Variants in GRIK1 observed in about 807,000 individuals in gnomAD.
The protein encoded by GRIK1 is glutamate receptor ionotropic, kainate 1.
In GRIK1, 69 loss-of-function variants were observed where a neutral mutation model predicts 105.7. That is an observed-to-expected ratio of 0.65 (90% CI 0.54 to 0.80). The LOEUF is 0.80. Ranked by LOEUF, GRIK1 falls within the 30% of genes least tolerant of loss-of-function variation. GRIK1 has a pLI of 0.00. For synonymous variants in GRIK1, 438 were observed against 431.3 expected, an observed-to-expected ratio of 1.02 and a Z score of -0.19; for missense variants, 1,109 against 1,167.3, an observed-to-expected ratio of 0.95 and a Z score of 0.73.
intron 5 of GRIK1, among the ~76,000 whole-genome samples, chr21:29,654,562 C>A (rs962468641): frequency 6.6e-6 from 1 of 151,744 alleles, no homozygotes; most frequent in Non-Finnish European, 1.5e-5. Flanking sequence ...TCATTTTAAT[C>A]CCTCTCTGAA....
intron 4 of GRIK1, among the ~76,000 whole-genome samples, chr21:29,655,963 C>T (rs1307008908): frequency 6.6e-6 from 1 of 152,108 alleles, no homozygotes. Context: ...GGTTTGGAGA[C>T]AATTCTTTCT....
chr21:29,815,928 A>G (rs562459245), intron 1 of GRIK1, among the ~76,000 whole-genome samples: 16 of 152,186 alleles, frequency 1.1e-4, no homozygotes, highest in Non-Finnish European at 2.2e-4. Context: ...AGCAATGACA[A>G]CAAAAACAAA....
intron 6 of GRIK1, among the ~76,000 whole-genome samples, chr21:29,644,981 A>G (rs922529755): frequency 6.6e-6 from 1 of 152,206 alleles, no homozygotes; most frequent in Admixed American, 6.5e-5. Flanking sequence ...ATTCAAACCC[A>G]CAAAGTTGGT....
chr21:29,894,449 C>T (rs2070031782), intron 1 of GRIK1, among the ~76,000 whole-genome samples: 1 of 152,096 alleles, frequency 6.6e-6, no homozygotes, highest in Non-Finnish European at 1.5e-5. Flanking sequence ...AGGATGAAGG[C>T]CAGAAGACTC....
chr21:29,906,319 C>T (rs987117995), intron 1 of GRIK1, among the ~76,000 whole-genome samples: 1 of 152,106 alleles, frequency 6.6e-6, no homozygotes, highest in Non-Finnish European at 1.5e-5. Flanking sequence ...TATCAAATAC[C>T]TTTACAGATC....
chr21:29,686,384 A>G (rs1200570941), intron 3 of GRIK1, among the ~76,000 whole-genome samples: 2 of 152,200 alleles, frequency 1.3e-5, no homozygotes, highest in African/African-American at 4.8e-5. Context: ...ACTGACACGT[A>G]TTGATGAGGA....
At chr21:29,679,249 G>T (rs1465969757) in intron 3 of GRIK1, among the ~76,000 whole-genome samples, 1 of 152,084 alleles carries the variant, frequency 6.6e-6, no homozygotes, top group East Asian at 1.9e-4. Context: ...TTACAGTAAA[G>T]CTCGGAGACT....
intron 1 of GRIK1, among the ~76,000 whole-genome samples, chr21:29,882,633 A>T (rs1485664900): frequency 1.3e-5 from 2 of 152,120 alleles, no homozygotes; most frequent in Non-Finnish European, 2.9e-5. Flanking sequence ...TTACAAAGGG[A>T]AAAAGCTTAT....
intron 14 of GRIK1, among the ~76,000 whole-genome samples, chr21:29,571,627 C>A (rs1032817156): frequency 2.0e-5 from 3 of 152,166 alleles, no homozygotes; most frequent in African/African-American, 7.2e-5. Context: ...AAGCACATCC[C>A]TTGCTTGTGG....
chr21:29,897,516 T>C (rs1405453028), intron 1 of GRIK1, among the ~76,000 whole-genome samples: 5 of 152,222 alleles, frequency 3.3e-5, no homozygotes, highest in Non-Finnish European at 7.3e-5. Context: ...CCCTTGTTTC[T>C]CACTTCATTG....
intron 1 of GRIK1, among the ~76,000 whole-genome samples, chr21:29,707,159 C>T (rs1010102181): frequency 5.3e-5 from 8 of 152,044 alleles, no homozygotes; most frequent in East Asian, 1.9e-4. Flanking sequence ...CCACCGCGCC[C>T]GGGCTATTCC....
At chr21:29,798,210 G>A (rs1487151538) in intron 1 of GRIK1, among the ~76,000 whole-genome samples, 3 of 152,082 alleles carry the variant, frequency 2.0e-5, no homozygotes, top group African/African-American at 7.2e-5. Flanking sequence ...AGCTTTATTA[G>A]GTCTATCCTC....
At chr21:29,832,884 A>C (rs962190370) in intron 1 of GRIK1, among the ~76,000 whole-genome samples, 2 of 152,140 alleles carry the variant, frequency 1.3e-5, no homozygotes, top group Non-Finnish European at 2.9e-5. Context: ...CTGGGCTACA[A>C]ATTTTCCACT....
At chr21:29,665,426 C>T (rs1431230036) in intron 4 of GRIK1, among the ~76,000 whole-genome samples, 1 of 152,158 alleles carries the variant, frequency 6.6e-6, no homozygotes, top group Non-Finnish European at 1.5e-5. Flanking sequence ...ATATAACATA[C>T]TACAAATTAT....
intron 3 of GRIK1, among the ~76,000 whole-genome samples, chr21:29,684,856 G>C (rs1172811704): frequency 6.6e-6 from 1 of 152,132 alleles, no homozygotes; most frequent in African/African-American, 2.4e-5. Flanking sequence ...TACCTATCAT[G>C]ATCTATTTTC....
intron 1 of GRIK1, among the ~76,000 whole-genome samples, chr21:29,782,368 C>CT (rs1365877959): frequency 6.6e-6 from 1 of 152,130 alleles, no homozygotes; most frequent in Admixed American, 6.5e-5. Context: ...TTACAGGCCA[C>CT]TTTTTTCGGT....
chr21:29,844,675 C>G (rs2068069194), intron 1 of GRIK1, among the ~76,000 whole-genome samples: 1 of 152,192 alleles, frequency 6.6e-6, no homozygotes, highest in African/African-American at 2.4e-5. Context: ...CTCCGTAAAA[C>G]CATTCAATAC....
intron 1 of GRIK1, among the ~76,000 whole-genome samples, chr21:29,923,632 C>T (rs1026921012): frequency 3.3e-5 from 5 of 152,160 alleles, no homozygotes; most frequent in East Asian, 1.9e-4. Context: ...AAACCAAACA[C>T]GCCAATGTTT....
intron 1 of GRIK1, among the ~76,000 whole-genome samples, chr21:29,741,732 C>T (rs2064934554): frequency 6.6e-6 from 1 of 152,190 alleles, no homozygotes; most frequent in African/African-American, 2.4e-5. Flanking sequence ...TTTTATTAAA[C>T]TGCCATATTT....
Sources: gnomAD v4.1 joint callset for allele counts (sites outside exome capture counted in the v4.1 genomes callset) on GRCh38, gnomAD v4.1.1 for gene constraint, MANE v1.5 for transcripts, NCBI Gene and HGNC (gene_info 2026-07-23, HGNC 2026-07-21) for gene names.